The following STEEP1 variants were observed in gnomAD, a reference collection of about 807,000 sequenced individuals.
The protein encoded by STEEP1 is STING ER exit protein.
In STEEP1, 3 loss-of-function variants were observed where a neutral mutation model predicts 19.2. The observed-to-expected ratio is 0.16, with a 90% CI of 0.07 to 0.40. The LOEUF is 0.40. Among genes scored for constraint, STEEP1 ranks in the 10% least tolerant of loss-of-function variants. The pLI, the probability that STEEP1 is intolerant of heterozygous loss-of-function variation, is 0.99. For missense variants in STEEP1, 54 were observed against 177.1 expected, an observed-to-expected ratio of 0.30 and a Z score of 3.94; for synonymous variants, 46 against 63.7, an observed-to-expected ratio of 0.72 and a Z score of 1.32.
At chrX:119,542,699 G>A in intron 4 of STEEP1, 105 bp from the exon 5 acceptor site, 1 of 492,764 alleles carries the variant, frequency 2.0e-6, no homozygotes, top group South Asian at 3.7e-5. Context: ...GGTATTGGGG[G>A]AAACACTACC....
chrX:119,553,705 A>T (rs1280817052), intron 2 of STEEP1, among the ~76,000 whole-genome samples: 1 of 111,657 alleles, frequency 9.0e-6, no homozygotes, highest in Non-Finnish European at 1.9e-5. Flanking sequence ...CCCATACTGA[A>T]GGGAGAGATT....
At chrX:119,540,252 ATAG>A (rs1275744460) in intron 6 of STEEP1, among the ~76,000 whole-genome samples, 2 of 112,576 alleles carry the variant, frequency 1.8e-5, no homozygotes, top group Non-Finnish European at 3.7e-5. Context: ...ATTTGACACA[ATAG>A]TAATTTTTAA....
At chrX:119,564,738 G>A (rs2053345558) in intron 1 of STEEP1, among the ~76,000 whole-genome samples, 1 of 111,320 alleles carries the variant, frequency 9.0e-6, no homozygotes, top group African/African-American at 3.3e-5. Flanking sequence ...AGAATTAGAA[G>A]TCAGGATGCA....
intron 5 of STEEP1, among the ~76,000 whole-genome samples, chrX:119,542,081 T>C (rs1361264973): frequency 1.2e-5 from 1 of 83,249 alleles, no homozygotes; most frequent in African/African-American, 5.8e-5. Context: ...TTTTTTTTTT[T>C]TTTTGAGACA....
rs372602934 is a variant in STEEP1 at position 119,541,003 on chromosome X, G to A, written c.606+325C>T. On this transcript the variant is annotated intron_variant, in intron 6 of 6. Transcript: ENST00000644802. Reference sequence around the variant, plus strand: ...GGAGGTTGCAGTGAGCTGAGACCACGCCACGGCACTCCAGCCTGGGCGACA... The same window carrying A: ...GGAGGTTGCAGTGAGCTGAGACCACACCACGGCACTCCAGCCTGGGCGACA... Among the ~76,000 whole-genome samples the A allele has an allele frequency of 3.1e-3, 346 of 111,439 alleles. 3 individuals carry two copies. Among genetic ancestry groups the A allele is most frequent in the African/African-American group, 0.011 (323 of 30,758 alleles).
intron 2 of STEEP1, among the ~76,000 whole-genome samples, chrX:119,552,486 C>G (rs1446312724): frequency 1.8e-5 from 2 of 112,434 alleles, no homozygotes; most frequent in Admixed American, 1.9e-4. Flanking sequence ...ACAAAGGATA[C>G]AGAGAAGAGA....
chrX:119,561,979 A>G (rs978679394), intron 1 of STEEP1, among the ~76,000 whole-genome samples: 1 of 113,063 alleles, frequency 8.8e-6, no homozygotes, highest in Non-Finnish European at 1.9e-5. Context: ...TCAAAAGCAC[A>G]TGCTGTTTCC....
chrX:119,565,134 T>G lies in STEEP1; in HGVS notation c.124+98A>C, dbSNP rs759676606. 3 of 1,104,801 alleles carry G rather than the reference T, an allele frequency of 2.7e-6. No individual in the cohort carries two copies. In the Admixed American group the frequency reaches 8.5e-5, roughly 31 times the overall value. 91.0% of individuals were successfully genotyped at this position (1,104,801 alleles called of 1,213,427 possible). On this transcript the variant is annotated intron_variant, in intron 1 of 6. Transcript: ENST00000644802. ...GAGAGAGAAAACCCACCAATCTTCGTTGAGAAGTGGCTCCCAGATCACAGC... is the reference window on the plus strand; with the variant it reads ...GAGAGAGAAAACCCACCAATCTTCGGTGAGAAGTGGCTCCCAGATCACAGC...
chrX:119,548,529 T>G (rs1476226217), intron 2 of STEEP1, among the ~76,000 whole-genome samples: 1 of 35,851 alleles, frequency 2.8e-5, no homozygotes, highest in Non-Finnish European at 4.5e-5. Context: ...TAAGACTCTG[T>G]CTCAAAAAAA....
Position 119,562,474 on chromosome X carries a change from A to G in STEEP1, c.125-2089T>C, listed in dbSNP as rs1432014995. On this transcript the variant is annotated intron_variant, in intron 1 of 6. Coordinates refer to ENST00000644802, the MANE Select transcript of STEEP1 (RefSeq NM_022101.4). ...CTTGAACCCAGGAGACGGAGGGTGC[A>G]GTGAGCCGAGATGGTGCCACTGCAC... Among the ~76,000 whole-genome samples, 44 of 108,101 alleles carry G rather than the reference A, an allele frequency of 4.1e-4. 1 individual carries two copies. The highest frequency in any genetic ancestry group is 1.3e-3 in the African/African-American group (39 of 29,734). 93.9% of individuals were successfully genotyped at this position (108,101 alleles called of 115,157 possible).
At chrX:119,540,592 C>A (rs945429538) in intron 6 of STEEP1, among the ~76,000 whole-genome samples, 2 of 112,306 alleles carry the variant, frequency 1.8e-5, no homozygotes, top group Non-Finnish European at 3.8e-5. Context: ...CTAAGATGAG[C>A]CCATGAATAG....
chrX:119,564,081 A>C (rs147385890), intron 1 of STEEP1, among the ~76,000 whole-genome samples: 13 of 111,608 alleles, frequency 1.2e-4, no homozygotes, highest in Non-Finnish European at 5.6e-5. Flanking sequence ...AGTTGTATTT[A>C]AAGCTTGGGA....
chrX:119,542,405 T>G lies in STEEP1; in HGVS notation c.513+100A>C, dbSNP rs765732848. On this transcript the variant is annotated intron_variant, in intron 5 of 6. Coordinates refer to ENST00000644802, the MANE Select transcript of STEEP1 (RefSeq NM_022101.4). ...AGCAGAGCAGGGTCTAAAAGTGAAGTCTCTAATATTTCCACTACTCCAAGG... is the reference window on the plus strand; with the variant it reads ...AGCAGAGCAGGGTCTAAAAGTGAAGGCTCTAATATTTCCACTACTCCAAGG... 7.0e-6 allele frequency: 4 copies of G among 572,323 alleles called. No homozygotes were observed. The South Asian group carries it at 1.1e-4, about 16-fold the overall frequency. The allele number at this position is 572,323 out of a possible 1,213,427, so 47.2% of individuals were successfully genotyped here.
chrX:119,546,628 A>G (rs928873396), intron 2 of STEEP1, among the ~76,000 whole-genome samples: 4 of 110,650 alleles, frequency 3.6e-5, no homozygotes, highest in Non-Finnish European at 7.5e-5. Context: ...GTCAAGCTCA[A>G]GAGCCCACAC....
At chrX:119,556,170 C>T (rs2053277037) in intron 2 of STEEP1, among the ~76,000 whole-genome samples, 1 of 110,991 alleles carries the variant, frequency 9.0e-6, no homozygotes, top group African/African-American at 3.3e-5. Context: ...TGAAGTCACC[C>T]ATCAGCTGAC....
chrX:119,544,722 C>A (rs1424683416), intron 3 of STEEP1, among the ~76,000 whole-genome samples: 1 of 111,714 alleles, frequency 9.0e-6, no homozygotes, highest in East Asian at 2.8e-4. Flanking sequence ...AGGTGGATCA[C>A]CTGAGATCAG....
At chrX:119,560,222 T>G (rs1342420594) in intron 2 of STEEP1, 46 bp downstream of exon 2, 2 of 904,907 alleles carry the variant, frequency 2.2e-6, no homozygotes, top group Non-Finnish European at 3.2e-6. Context: ...AGAAACAGAC[T>G]CCAACACAAT....
intron 2 of STEEP1, among the ~76,000 whole-genome samples, chrX:119,559,859 G>A (rs1246034557): frequency 1.9e-5 from 2 of 107,345 alleles, no homozygotes; most frequent in Non-Finnish European, 3.9e-5. Context: ...GACCAGCCTG[G>A]CCGACATGGT....
chrX:119,557,237 A>G (rs758045649), intron 2 of STEEP1, among the ~76,000 whole-genome samples: 1 of 109,106 alleles, frequency 9.2e-6, no homozygotes, highest in Non-Finnish European at 1.9e-5. Flanking sequence ...GTTCAACACT[A>G]AAGTTTCATA....
Sources: gnomAD v4.1 joint callset for allele counts (sites outside exome capture counted in the v4.1 genomes callset) on GRCh38, gnomAD v4.1.1 for gene constraint, MANE v1.5 for transcripts, NCBI Gene and HGNC (gene_info 2026-07-23, HGNC 2026-07-21) for gene names.